The following IMPA2 variants were observed in gnomAD, a reference collection of about 807,000 sequenced individuals.
The protein encoded by IMPA2 is IMP 2.
IMPA2 carries 32 observed loss-of-function variants against 35.1 expected under a neutral mutation model. That is an observed-to-expected ratio of 0.91 (90% CI 0.69 to 1.23). The LOEUF (loss-of-function observed/expected upper bound fraction) is 1.23, where lower values mean the gene tolerates loss of function less well. IMPA2 is among the 50% of genes most tolerant of loss of function. The pLI is 0.00. For synonymous variants in IMPA2, 135 were observed against 160.6 expected, an observed-to-expected ratio of 0.84 and a Z score of 1.20; for missense variants, 334 against 387.6, an observed-to-expected ratio of 0.86 and a Z score of 1.16.
intron 1 of IMPA2, among the ~76,000 whole-genome samples, chr18:11,985,563 C>A (rs1341505479): frequency 6.6e-6 from 1 of 152,078 alleles, no homozygotes; most frequent in African/African-American, 2.4e-5. Flanking sequence ...TTTTTTTATA[C>A]ATTAGTTGTA....
intron 5 of IMPA2, among the ~76,000 whole-genome samples, chr18:12,018,730 CA>C (rs1239206717): frequency 2.6e-5 from 4 of 151,800 alleles, no homozygotes; most frequent in African/African-American, 9.7e-5. Flanking sequence ...ACATTTTTTC[CA>C]AATTTCTTTA....
chr18:11,981,636 G>A lies in IMPA2; in HGVS notation c.-34G>A. 8.2e-7 allele frequency: 1 copy of A among 1,218,228 alleles called. No homozygotes were observed. Among genetic ancestry groups the A allele is most frequent in the African/African-American group, 1.6e-5 (1 of 64,028 alleles). 75.5% of individuals were successfully genotyped at this position (1,218,228 alleles called of 1,614,324 possible). A position where few individuals can be genotyped will look rare whatever the true frequency, so the allele number is the denominator to read the frequency against. On this transcript the variant is annotated 5_prime_UTR_variant, in exon 1 of 8. Transcript: ENST00000269159. ...GGTGGGAGCCGGAGTCCCGCCGAGG[G>A]GGGCTGGAGGTGGAGGGGCCCGGCG...
At chr18:11,984,398 G>A (rs1203420375) in intron 1 of IMPA2, among the ~76,000 whole-genome samples, 2 of 152,232 alleles carry the variant, frequency 1.3e-5, no homozygotes, top group Non-Finnish European at 2.9e-5. Flanking sequence ...ACAGATGACA[G>A]TATTCACTGA....
At chr18:12,007,635 CT>C (rs752975627) in intron 2 of IMPA2, among the ~76,000 whole-genome samples, 4 of 50,062 alleles carry the variant, frequency 8.0e-5, no homozygotes, top group African/African-American at 1.4e-4. Context: ...TTTCTTCTTT[CT>C]TTCTTTCTTT....
intron 1 of IMPA2, among the ~76,000 whole-genome samples, chr18:11,983,497 T>C (rs1405146751): frequency 6.6e-6 from 1 of 152,240 alleles, no homozygotes; most frequent in Non-Finnish European, 1.5e-5. Flanking sequence ...CAGAAGATTT[T>C]AAAATTTTAT....
At chr18:11,988,638 A>G (rs67932171) in intron 1 of IMPA2, among the ~76,000 whole-genome samples, 22,279 of 152,042 alleles carry the variant, frequency 0.15, 2,222 homozygotes, top group East Asian at 0.28. Flanking sequence ...GGAGGCTGAG[A>G]TGACAGCCTC....
At chr18:12,013,188 A>G (rs958677075) in intron 4 of IMPA2, among the ~76,000 whole-genome samples, 6 of 152,144 alleles carry the variant, frequency 3.9e-5, no homozygotes, top group African/African-American at 1.4e-4. Flanking sequence ...ATGTTACTAC[A>G]CTGAATACGG....
intron 5 of IMPA2, among the ~76,000 whole-genome samples, chr18:12,017,175 T>C (rs1325590912): frequency 6.6e-6 from 1 of 152,180 alleles, no homozygotes. Flanking sequence ...TTCTTCAAAT[T>C]CTACCATGCA....
At chr18:12,013,522 GT>G (rs1568035053) in intron 4 of IMPA2, among the ~76,000 whole-genome samples, 1 of 152,166 alleles carries the variant, frequency 6.6e-6, no homozygotes, top group Non-Finnish European at 1.5e-5. Flanking sequence ...TGGCCAGGGT[GT>G]TTTTTTAATT....
At position 11,999,038 on chromosome 18, in the gene IMPA2, C is replaced by A; in HGVS notation, c.97-16C>A. On this transcript the variant is annotated splice_polypyrimidine_tract_variant and intron_variant, in intron 1 of 7. Transcript: ENST00000269159. ...ATGTTTGCATGTTTAACCCAAATCCCGTACTTTTATTTCAGATCATCAGAA... is the reference window on the plus strand; with the variant it reads ...ATGTTTGCATGTTTAACCCAAATCCAGTACTTTTATTTCAGATCATCAGAA... The A allele has an allele frequency of 6.2e-7, 1 of 1,600,672 alleles. No homozygotes were observed. The highest frequency in any genetic ancestry group is 1.1e-5 in the South Asian group (1 of 90,190).
rs761599718 is a variant in IMPA2, at chr18:12,029,021, C to T, written c.751+28C>T. The T allele has an allele frequency of 5.0e-6, 8 of 1,603,210 alleles. No individual in the cohort carries two copies. In the Admixed American group the frequency reaches 8.4e-5, roughly 17 times the overall value. On this transcript the variant is annotated intron_variant, in intron 7 of 7. Transcript: ENST00000269159. ...GAGCTCTCCTGTCCCTGAAATGCAGCGGCAGAAACTAGACTGAGAGACACT... is the reference window on the plus strand; with the variant it reads ...GAGCTCTCCTGTCCCTGAAATGCAGTGGCAGAAACTAGACTGAGAGACACT...
chr18:11,998,994 T>C lies in IMPA2; in HGVS notation c.97-60T>C, dbSNP rs1173254969. On this transcript the variant is annotated intron_variant, in intron 1 of 7. Coordinates refer to ENST00000269159, the MANE Select transcript of IMPA2 (RefSeq NM_014214.3). ...GAGGGGACTCGAAGGAGTGGATAATTCCTTTGCCTGGGAGGAGGATGTTTG... is the reference window on the plus strand; with the variant it reads ...GAGGGGACTCGAAGGAGTGGATAATCCCTTTGCCTGGGAGGAGGATGTTTG... 3.1e-6 allele frequency: 4 copies of C among 1,284,002 alleles called. No homozygotes were observed. In the African/African-American group the frequency reaches 6.7e-5, roughly 21 times the overall value. 79.5% of individuals were successfully genotyped at this position (1,284,002 alleles called of 1,614,324 possible).
intron 5 of IMPA2, among the ~76,000 whole-genome samples, chr18:12,027,567 ATTTT>A (rs138876745): frequency 6.6e-5 from 6 of 90,980 alleles, no homozygotes; most frequent in South Asian, 8.6e-4. Flanking sequence ...AATGATGGTG[ATTTT>A]TTTTTTTTTT....
intron 5 of IMPA2, among the ~76,000 whole-genome samples, chr18:12,019,482 G>C (rs1907671266): frequency 6.8e-6 from 1 of 147,268 alleles, no homozygotes; most frequent in African/African-American, 2.5e-5. Context: ...TGGCCAGGCT[G>C]GTCTCAAACT....
intron 5 of IMPA2, among the ~76,000 whole-genome samples, chr18:12,018,778 C>G (rs897836263): frequency 1.3e-5 from 2 of 152,096 alleles, no homozygotes; most frequent in Non-Finnish European, 2.9e-5. Flanking sequence ...ATTCTCATAT[C>G]TGCTTCTGCA....
intron 2 of IMPA2, among the ~76,000 whole-genome samples, 193 bp from the exon 3 acceptor site, chr18:12,009,690 C>T (rs1371382806): frequency 6.6e-6 from 1 of 152,188 alleles, no homozygotes; most frequent in Non-Finnish European, 1.5e-5. Flanking sequence ...CTAAATCCTG[C>T]TGAGTAGGTC....
intron 2 of IMPA2, among the ~76,000 whole-genome samples, chr18:12,003,750 A>G (rs1391000202): frequency 6.6e-6 from 1 of 151,468 alleles, no homozygotes; most frequent in Non-Finnish European, 1.5e-5. Flanking sequence ...GGCCTTGGCC[A>G]CATAGCTGTC....
rs1308365882 is a variant in IMPA2 at position 12,014,388 on chromosome 18, G to A, written c.490+15G>A. 1.4e-5 allele frequency: 21 copies of A among 1,475,756 alleles called. No homozygotes were observed. The highest frequency in any genetic ancestry group is 2.8e-5 in the African/African-American group (2 of 70,858). The allele number at this position is 1,475,756 out of a possible 1,614,324, so 91.4% of individuals were successfully genotyped here. On this transcript the variant is annotated intron_variant, in intron 5 of 7. Transcript: ENST00000269159. ...CGGGGAGACAGGTGGGCTTCACAAC[G>A]CTCGTCTCAGTTTACTTCTGAAATA...
chr18:12,008,728 G>C, intron 2 of IMPA2: 1 of 361,672 alleles, frequency 2.8e-6, no homozygotes, highest in Non-Finnish European at 5.5e-6. Context: ...AGGGGGTGCT[G>C]GGAGTTGCCA....
Sources: gnomAD v4.1 joint callset for allele counts (sites outside exome capture counted in the v4.1 genomes callset) on GRCh38, gnomAD v4.1.1 for gene constraint, MANE v1.5 for transcripts, NCBI Gene and HGNC (gene_info 2026-07-23, HGNC 2026-07-21) for gene names.